The following UMODL1 variants were observed in gnomAD, a reference collection of about 807,000 sequenced individuals.
UMODL1 encodes uromodulin-like 1.
In UMODL1, 128 loss-of-function variants were observed where a neutral mutation model predicts 136.3. The ratio of observed to expected loss-of-function variants is 0.94; its 90% confidence interval spans 0.81 to 1.09. UMODL1 has a LOEUF of 1.09. UMODL1 is among the 50% of genes least tolerant of loss of function. UMODL1 has a pLI of 0.00. For missense variants in UMODL1, 1,766 were observed against 1,725.6 expected, an observed-to-expected ratio of 1.02 and a Z score of -0.41; for synonymous variants, 721 against 720.0, an observed-to-expected ratio of 1.00 and a Z score of -0.02.
intron 4 of UMODL1, among the ~76,000 whole-genome samples, chr21:42,086,841 C>T (rs2066432353): frequency 6.6e-6 from 1 of 152,224 alleles, no homozygotes; most frequent in Non-Finnish European, 1.5e-5. Context: ...TGGCACGTGC[C>T]TGTAATCCCA....
intron 12 of UMODL1, among the ~76,000 whole-genome samples, chr21:42,112,335 T>C (rs1207175896): frequency 6.6e-6 from 1 of 151,808 alleles, no homozygotes; most frequent in Non-Finnish European, 1.5e-5. Context: ...TCTGCCTAGC[T>C]GTTCTATATG....
chr21:42,131,454 G>GTGACTCAA (rs2067133271), intron 21 of UMODL1, among the ~76,000 whole-genome samples: 1 of 21,714 alleles, frequency 4.6e-5, no homozygotes, highest in African/African-American at 9.1e-5. Context: ...GGAGGTCTCA[G>GTGACTCAA]CCATGAAGCT....
intron 2 of UMODL1, 110 bp from the exon 3 acceptor site, chr21:42,083,974 A>G: frequency 7.3e-7 from 1 of 1,370,160 alleles, no homozygotes. Flanking sequence ...AACAGGCCAC[A>G]GACCTACAGG....
In UMODL1 at chr21:42,126,391, C is replaced by T. The variant is rs1338471026; in HGVS notation, c.3194C>T (p.Ser1065Phe). Residue 1065 changes from serine (S) to phenylalanine (F), a missense_variant, in exon 18 of 23, where the codon TCC becomes TTC. Coordinates refer to ENST00000408910, the MANE Select transcript of UMODL1 (RefSeq NM_001004416.3). ...AGGACCACGCTGAGGAACGACCTGT[C>T]CCAGGAGGGCATCATCCACCACCTG... ...VVRTTLRNDL[S>F]QEGIIHHLKI... 1 of 1,614,192 alleles carries T rather than the reference C, an allele frequency of 6.2e-7. No homozygotes were observed. Among genetic ancestry groups the T allele is most frequent in the Admixed American group, 1.7e-5 (1 of 60,028 alleles).
chr21:42,139,036 C>T (rs1395981870), intron 22 of UMODL1, among the ~76,000 whole-genome samples: 2 of 152,098 alleles, frequency 1.3e-5, no homozygotes, highest in Non-Finnish European at 2.9e-5. Flanking sequence ...GGTGTGGTGG[C>T]ACACACCTGT....
At chr21:42,101,940 C>A (rs112274184) in intron 7 of UMODL1, 1 of 434,000 alleles carries the variant, frequency 2.3e-6, no homozygotes, top group East Asian at 4.6e-5. Context: ...CTGTGTGTGA[C>A]GTTTGTACCT....
rs977535602 is a variant in UMODL1, at chr21:42,122,488, G to A, written c.2828-343G>A. 8.5e-5 allele frequency among the ~76,000 whole-genome samples: 13 copies of A among 152,206 alleles called. No individual in the cohort carries two copies. The highest frequency in any genetic ancestry group is 3.1e-4 in the African/African-American group (13 of 41,448). On this transcript the variant is annotated intron_variant, in intron 16 of 22. Coordinates refer to ENST00000408910, the MANE Select transcript of UMODL1 (RefSeq NM_001004416.3). The surrounding 1 kb of genome is among the most constrained non-coding windows in gnomAD (Gnocchi z 4.3). ...GGTCCCTCGGTCCTTGGCCCTCGGG[G>A]GCCCATGGTGAGCCTGGATCCCTGA...
chr21:42,118,990 T>G, intron 14 of UMODL1, 121 bp from the exon 15 acceptor site: 1 of 992,870 alleles, frequency 1.0e-6, no homozygotes. Flanking sequence ...AACCTGTGGC[T>G]TTTACTTTGT....
At chr21:42,115,020 G>C (rs2066885006) in intron 13 of UMODL1, among the ~76,000 whole-genome samples, 1 of 152,248 alleles carries the variant, frequency 6.6e-6, no homozygotes. Context: ...AGGACGTAGA[G>C]TTTGGGGTTC....
chr21:42,104,538 C>T (rs1601224191), intron 9 of UMODL1, among the ~76,000 whole-genome samples: 1 of 152,032 alleles, frequency 6.6e-6, no homozygotes, highest in South Asian at 2.1e-4. Context: ...CAACCTCCGC[C>T]TCCTAGGTTA....
At chr21:42,124,139 T>A (rs951112807) in intron 17 of UMODL1, among the ~76,000 whole-genome samples, 2 of 151,810 alleles carry the variant, frequency 1.3e-5, no homozygotes, top group Non-Finnish European at 2.9e-5. Flanking sequence ...AACGCTCCCA[T>A]GCAGGCCCTT....
Position 42,099,299 on chromosome 21 carries a change from G to A in UMODL1, c.1186+119G>A, listed in dbSNP as rs955393826. ...ACCAGGGCACCAGAAGTCACTGACCGCCCTGCACTTCCTCCCTCCCCTCCC... is the reference window on the plus strand; with the variant it reads ...ACCAGGGCACCAGAAGTCACTGACCACCCTGCACTTCCTCCCTCCCCTCCC... On this transcript the variant is annotated intron_variant, in intron 7 of 22. Transcript: ENST00000408910. The surrounding 1 kb of genome is among the most constrained non-coding windows in gnomAD (Gnocchi z 4.1). 1.4e-4 allele frequency: 192 copies of A among 1,387,278 alleles called. No homozygotes were observed. The highest frequency in any genetic ancestry group is 3.3e-4 in the Admixed American group (13 of 39,702). The allele number at this position is 1,387,278 out of a possible 1,614,324, so 85.9% of individuals were successfully genotyped here. A position where few individuals can be genotyped will look rare whatever the true frequency, so the allele number is the denominator to read the frequency against.
chr21:42,077,229 A>C (rs954324288), intron 2 of UMODL1, among the ~76,000 whole-genome samples: 7 of 152,170 alleles, frequency 4.6e-5, no homozygotes, highest in African/African-American at 1.4e-4. Flanking sequence ...TCCAGAGTGC[A>C]GAAGCCACCA....
At chr21:42,080,211 T>A (rs559484095) in intron 2 of UMODL1, among the ~76,000 whole-genome samples, 1 of 152,314 alleles carries the variant, frequency 6.6e-6, no homozygotes, top group South Asian at 2.1e-4. Context: ...TGGAGCTGGA[T>A]GTGAGATGGT....
Position 42,099,629 on chromosome 21 carries a change from A to C in UMODL1, c.1186+449A>C, listed in dbSNP as rs220315. ...CGCTGACGTTTTCACGCCTTGCTTC[A>C]CTCATGATGCATGTAAAGCGAATGC... On this transcript the variant is annotated intron_variant, in intron 7 of 22. Transcript: ENST00000408910. The surrounding 1 kb of genome is among the most constrained non-coding windows in gnomAD (Gnocchi z 4.1). 0.28 allele frequency among the ~76,000 whole-genome samples: 42,602 copies of C among 151,980 alleles called. 6,189 individuals are homozygous for C. Among genetic ancestry groups the C allele is most frequent in the East Asian group, 0.36 (1,865 of 5,150 alleles).
Position 42,088,447 on chromosome 21 carries a change from C to A in UMODL1, c.757C>A (p.Arg253Ser). The A allele has an allele frequency of 6.2e-7, 1 of 1,613,216 alleles. No homozygotes were observed. The change falls in exon 5 of 23, where the codon CGT becomes AGT. Residue 253 changes from arginine to serine, a missense_variant. Transcript: ENST00000408910. The part of the protein sequence containing the change: ...VSTLLGDIAK[R>S]VYEVISVQVQ... Reference sequence around the variant, plus strand: ...CACCCTGCTGGGTGACATTGCGAAGCGTGTCTATGAAGTGATCAGCGTCCA... The same window carrying A: ...CACCCTGCTGGGTGACATTGCGAAGAGTGTCTATGAAGTGATCAGCGTCCA...
Position 42,122,175 on chromosome 21 carries a change from C to G in UMODL1, c.2828-656C>G, listed in dbSNP as rs1193704277. Among the ~76,000 whole-genome samples the G allele has an allele frequency of 6.6e-6, 1 of 152,096 alleles. No individual in the cohort carries two copies. Among genetic ancestry groups the G allele is most frequent in the Non-Finnish European group, 1.5e-5 (1 of 68,016 alleles). Reference sequence around the variant, plus strand: ...CAAACCAGGCCCACAGATGATGGAGCCACTGCTGAAGGAGGGTGGAGGGCA... The same window carrying G: ...CAAACCAGGCCCACAGATGATGGAGGCACTGCTGAAGGAGGGTGGAGGGCA... On this transcript the variant is annotated intron_variant, in intron 16 of 22. Coordinates refer to ENST00000408910, the MANE Select transcript of UMODL1 (RefSeq NM_001004416.3). This position sits in a 1 kb window ranked among gnomAD's most constrained non-coding sequence, Gnocchi z 4.3.
rs1007618207 is a variant in UMODL1, at chr21:42,142,625, T to G, written c.*551T>G. 2 of 152,274 alleles carry G rather than the reference T, an allele frequency of 1.3e-5. No individual in the cohort carries two copies. Among genetic ancestry groups the G allele is most frequent in the African/African-American group, 4.8e-5 (2 of 41,472 alleles). 9.4% of individuals were successfully genotyped at this position (152,274 alleles called of 1,614,324 possible). ...ATTTTTAGTGGATGTTTATGCTGTT[T>G]GACTTTTCTCCTGTGTACCAAGGTA... On this transcript the variant is annotated 3_prime_UTR_variant, in exon 23 of 23. Coordinates refer to ENST00000408910, the MANE Select transcript of UMODL1 (RefSeq NM_001004416.3).
In UMODL1 at chr21:42,088,465, A is replaced by C. The variant is rs1337295811; in HGVS notation, c.775A>C (p.Ser259Arg). The C allele has an allele frequency of 2.5e-6, 4 of 1,598,764 alleles. No individual in the cohort carries two copies. The highest frequency in any genetic ancestry group is 2.6e-6 in the Non-Finnish European group (3 of 1,167,200). The change falls in exon 5 of 23, where the codon AGC becomes CGC. Residue 259 changes from serine (S) to arginine (R), a missense_variant. Physicochemically the swap from Ser to Arg is moderately radical, Grantham distance 110 (BLOSUM62 -1). Transcript: ENST00000408910. ...TGCGAAGCGTGTCTATGAAGTGATCAGCGTCCAGGTGCAAGGTTGGGCTTC... is the reference window on the plus strand; with the variant it reads ...TGCGAAGCGTGTCTATGAAGTGATCCGCGTCCAGGTGCAAGGTTGGGCTTC... ...DIAKRVYEVI[S>R]VQVQDVNECF...
Sources: gnomAD v4.1 joint callset for allele counts (sites outside exome capture counted in the v4.1 genomes callset) on GRCh38, gnomAD v4.1.1 for gene constraint, Gnocchi (gnomAD v3.1) non-coding constraint, MANE v1.5 for transcripts, NCBI Gene and HGNC (gene_info 2026-07-23, HGNC 2026-07-21) for gene names.